GALNT14: variants seen among roughly 807,000 people sequenced by gnomAD.
GALNT14 encodes UDP-GalNAc:polypeptide N-acetylgalactosaminyltransferase 14.
A neutral mutation model predicts 77.5 loss-of-function variants in GALNT14; 60 were observed. The ratio of observed to expected loss-of-function variants is 0.77; its 90% CI spans 0.63 to 0.96. GALNT14 has a LOEUF of 0.96. Ranked by LOEUF, GALNT14 falls within the 40% of genes least tolerant of loss-of-function variation. The probability of loss-of-function intolerance (pLI) is 0.00; values close to 1 mark genes in which losing one functional copy is unlikely to be tolerated. For synonymous variants in GALNT14, 280 were observed against 281.7 expected (o/e 0.99, Z 0.06); for missense variants, 710 against 731.0 (o/e 0.97, Z 0.33).
chr2:30,950,829 G>C (rs1353156144), intron 6 of GALNT14, among the ~76,000 whole-genome samples: 1 of 152,238 alleles, frequency 6.6e-6, no homozygotes, highest in Non-Finnish European at 1.5e-5. Flanking sequence ...AAGAGATGAA[G>C]GCTTTGCCCG....
At chr2:30,890,436 T>C in the GALNT14 span, among the ~76,000 whole-genome samples, 1 of 152,336 alleles carries the variant, frequency 6.6e-6, no homozygotes, top group South Asian at 2.1e-4. Context: ...ATGGGGATAA[T>C]CATGTCTCCC....
intron 2 of GALNT14, among the ~76,000 whole-genome samples, chr2:30,982,823 C>T (rs940078829): frequency 2.0e-5 from 3 of 152,124 alleles, no homozygotes; most frequent in Non-Finnish European, 2.9e-5. Flanking sequence ...TAAAAGATTT[C>T]CTTGAGAAAA....
intron 1 of GALNT14, among the ~76,000 whole-genome samples, chr2:31,036,403 C>T (rs1672740748): frequency 6.6e-6 from 1 of 152,176 alleles, no homozygotes; most frequent in Admixed American, 6.5e-5. Flanking sequence ...TTTCCTCATA[C>T]CTCTTTTCCC....
chr2:30,926,357 T>C (rs1436628362), intron 11 of GALNT14, among the ~76,000 whole-genome samples: 1 of 152,040 alleles, frequency 6.6e-6, no homozygotes, highest in African/African-American at 2.4e-5. Context: ...CAACGAAAAC[T>C]CTTCACGGGG....
intron 1 of GALNT14, among the ~76,000 whole-genome samples, chr2:31,128,613 G>C (rs1247399384): frequency 6.6e-6 from 1 of 152,156 alleles, no homozygotes; most frequent in African/African-American, 2.4e-5. Context: ...ACAGCCTCCT[G>C]TCCTGCCAGC....
Position 30,910,552 on chromosome 2 carries a change from A to G in GALNT14, c.*349T>C, listed in dbSNP as rs1664294734. ...TCTCAATGTAGTCCTGGCCTAGTGAAAAAGAAGGCTTTTCTTTCTGGCCTC... is the reference window on the plus strand; with the variant it reads ...TCTCAATGTAGTCCTGGCCTAGTGAGAAAGAAGGCTTTTCTTTCTGGCCTC... On this transcript the variant is annotated 3_prime_UTR_variant, in exon 15 of 15. Coordinates refer to ENST00000349752, the MANE Select transcript of GALNT14 (RefSeq NM_024572.4). 4.8e-6 allele frequency: 1 copy of G among 209,172 alleles called. No individual in the cohort carries two copies. Among genetic ancestry groups the G allele is most frequent in the African/African-American group, 2.3e-5 (1 of 43,024 alleles). The allele number at this position is 209,172 out of a possible 1,614,324, so 13.0% of individuals were successfully genotyped here.
chr2:30,955,764 G>A (rs1377221719), intron 5 of GALNT14, 25 bp from the exon 6 acceptor site: 15 of 1,613,498 alleles, frequency 9.3e-6, no homozygotes, highest in Non-Finnish European at 1.3e-5. Flanking sequence ...AAATGACGAA[G>A]TGGGTGCCAC....
chr2:31,051,913 C>T (rs933536685), intron 1 of GALNT14, among the ~76,000 whole-genome samples: 3 of 152,182 alleles, frequency 2.0e-5, no homozygotes, highest in Non-Finnish European at 4.4e-5. Context: ...ACATTTCCCC[C>T]TCCCCTCCGC....
At chr2:30,993,303 A>G (rs1477075345) in intron 1 of GALNT14, among the ~76,000 whole-genome samples, 1 of 152,182 alleles carries the variant, frequency 6.6e-6, no homozygotes, top group East Asian at 1.9e-4. Flanking sequence ...TGCTGTGCAT[A>G]CCCTTATTAT....
chr2:30,964,284 A>AC (rs571054632), intron 3 of GALNT14, among the ~76,000 whole-genome samples: 8 of 151,628 alleles, frequency 5.3e-5, no homozygotes, highest in African/African-American at 1.9e-4. Context: ...TGCTCCATGA[A>AC]CCCCCCCTGG....
intron 1 of GALNT14, among the ~76,000 whole-genome samples, chr2:31,024,495 T>C (rs1033476017): frequency 6.6e-6 from 1 of 152,166 alleles, no homozygotes; most frequent in African/African-American, 2.4e-5. Context: ...AGCTGCCACC[T>C]CAGGGCCTTT....
intron 1 of GALNT14, among the ~76,000 whole-genome samples, chr2:31,123,343 T>C (rs1314693391): frequency 6.6e-6 from 1 of 151,934 alleles, no homozygotes; most frequent in African/African-American, 2.4e-5. Context: ...ACAAAAACAG[T>C]GGAGAAAGTA....
rs116534169 is a variant in GALNT14, at chr2:31,026,507, T to C, written c.130-33500A>G. ...TGGCTGCCCTGCCCTGGCTCAGAGA[T>C]GAGTTAGCCCTCAGTCGGGGTGACG... On this transcript the variant is annotated intron_variant, in intron 1 of 14. Coordinates refer to ENST00000349752, the MANE Select transcript of GALNT14 (RefSeq NM_024572.4). Among the ~76,000 whole-genome samples the C allele has an allele frequency of 9.5e-3, 1,451 of 152,310 alleles. 18 individuals carry two copies. Among genetic ancestry groups the C allele is most frequent in the African/African-American group, 0.031 (1,300 of 41,562 alleles).
intron 2 of GALNT14, among the ~76,000 whole-genome samples, chr2:30,967,359 T>C (rs1200893892): frequency 6.6e-6 from 1 of 152,220 alleles, no homozygotes; most frequent in Non-Finnish European, 1.5e-5. Context: ...TCCTTAGTCC[T>C]AGGCTAATGG....
At chr2:31,052,867 C>A (rs1308276976) in intron 1 of GALNT14, among the ~76,000 whole-genome samples, 1 of 152,156 alleles carries the variant, frequency 6.6e-6, no homozygotes, top group Non-Finnish European at 1.5e-5. Context: ...TTTGTTTTTT[C>A]TCTGAAACCG....
At chr2:30,960,460 T>TA (rs1667622744) in intron 3 of GALNT14, among the ~76,000 whole-genome samples, 2 of 151,416 alleles carry the variant, frequency 1.3e-5, no homozygotes, top group African/African-American at 4.9e-5. Context: ...GATTAGTGAA[T>TA]AAAAAATGTC....
At chr2:31,048,147 C>T (rs1395021037) in intron 1 of GALNT14, among the ~76,000 whole-genome samples, 2 of 152,232 alleles carry the variant, frequency 1.3e-5, no homozygotes, top group Admixed American at 6.5e-5. Context: ...AAACCATTTG[C>T]CCTGAGCCCA....
chr2:30,907,386 C>T (rs540433182), downstream of GALNT14, among the ~76,000 whole-genome samples: 20 of 152,168 alleles, frequency 1.3e-4, no homozygotes, highest in South Asian at 2.7e-3. Context: ...ATATCACCAC[C>T]GATCCCACAG....
chr2:31,034,476 C>T (rs1672593706), intron 1 of GALNT14, among the ~76,000 whole-genome samples: 1 of 152,188 alleles, frequency 6.6e-6, no homozygotes, highest in Non-Finnish European at 1.5e-5. Flanking sequence ...ACTCACTGTC[C>T]TTTGCAGCTT....
Sources: allele counts gnomAD v4.1 joint callset (sites outside exome capture counted in the v4.1 genomes callset), GRCh38; gene constraint gnomAD v4.1.1; transcripts MANE v1.5; gene names NCBI Gene and HGNC (gene_info 2026-07-23, HGNC 2026-07-21).